The following SMOC1 variants were observed in gnomAD, a reference collection of about 807,000 sequenced individuals.
SMOC1 encodes the protein SPARC-related modular calcium-binding protein 1.
A neutral mutation model predicts 56.3 loss-of-function variants in SMOC1; 22 were observed. The ratio of observed to expected loss-of-function variants is 0.39; its 90% CI spans 0.28 to 0.56. The LOEUF is 0.56. SMOC1 is among the 20% of genes least tolerant of loss of function. The pLI is 0.61. For missense variants in SMOC1, 509 were observed against 565.4 expected (o/e 0.90, Z 1.01); for synonymous variants, 193 against 215.0 (o/e 0.90, Z 0.89).
chr14:69,952,888 T>A (rs903158365), intron 2 of SMOC1, among the ~76,000 whole-genome samples: 2 of 152,198 alleles, frequency 1.3e-5, no homozygotes. Context: ...CTATAGTCTC[T>A]CAGAACTGAA....
chr14:69,979,809 G>A (rs1414186092), intron 5 of SMOC1, among the ~76,000 whole-genome samples: 7 of 152,054 alleles, frequency 4.6e-5, no homozygotes, highest in Non-Finnish European at 7.4e-5. Flanking sequence ...TTATTCCTGG[G>A]CATGAGGTCC....
intron 11 of SMOC1, among the ~76,000 whole-genome samples, chr14:70,024,906 C>A (rs1385629926): frequency 6.6e-5 from 10 of 152,052 alleles, no homozygotes; most frequent in Non-Finnish European, 1.5e-4. Flanking sequence ...CAGGGTCATC[C>A]AATAGGAGGC....
intron 11 of SMOC1, among the ~76,000 whole-genome samples, chr14:70,023,861 G>A (rs1349495505): frequency 1.3e-5 from 2 of 151,640 alleles, no homozygotes; most frequent in Non-Finnish European, 2.9e-5. Context: ...GTGTGTAGGG[G>A]TAGGAGTAGG....
intron 1 of SMOC1, among the ~76,000 whole-genome samples, chr14:69,881,132 C>T (rs1454294611): frequency 6.6e-6 from 1 of 152,166 alleles, no homozygotes; most frequent in Non-Finnish European, 1.5e-5. Flanking sequence ...CAGGCATTCC[C>T]AAAGCTGGGG....
chr14:69,904,624 C>G (rs1262758010), intron 1 of SMOC1, among the ~76,000 whole-genome samples: 1 of 152,232 alleles, frequency 6.6e-6, no homozygotes, highest in African/African-American at 2.4e-5. Context: ...GGTGAAGCAT[C>G]AGCTACTTGA....
chr14:70,002,330 A>T (rs1884998410), intron 7 of SMOC1, among the ~76,000 whole-genome samples: 1 of 152,150 alleles, frequency 6.6e-6, no homozygotes, highest in Non-Finnish European at 1.5e-5. Flanking sequence ...GTGTGACTTT[A>T]ATTCGTGCAA....
At position 69,947,902 on chromosome 14, in the gene SMOC1, G is replaced by A. The variant is rs2035011; in HGVS notation, c.100-4236G>A. The stretch of plus-strand genomic sequence containing the variant: ...CTTTTGAACTGTGTGGCTTCGGAGC[G>A]TTCCAGAGTCTCTAGGATTAAGTCT... On this transcript the variant is annotated intron_variant, in intron 1 of 11. Coordinates refer to ENST00000361956, the MANE Select transcript of SMOC1 (RefSeq NM_001034852.3). 3.6e-4 allele frequency among the ~76,000 whole-genome samples: 55 copies of A among 152,120 alleles called. 1 individual carries two copies. Among genetic ancestry groups the A allele is most frequent in the South Asian group, 6.2e-4 (3 of 4,818 alleles).
intron 1 of SMOC1, among the ~76,000 whole-genome samples, chr14:69,917,949 C>A (rs1198083502): frequency 6.6e-6 from 1 of 152,186 alleles, no homozygotes; most frequent in Non-Finnish European, 1.5e-5. Context: ...CAACCTGCTT[C>A]ACCTCCCTTC....
intron 1 of SMOC1, among the ~76,000 whole-genome samples, chr14:69,938,999 G>T (rs1882442904): frequency 6.6e-6 from 1 of 152,144 alleles, no homozygotes; most frequent in Non-Finnish European, 1.5e-5. Flanking sequence ...AAGCACACAT[G>T]CCTCAGCTCA....
At chr14:69,922,421 A>T (rs1884871490) in intron 1 of SMOC1, among the ~76,000 whole-genome samples, 2 of 152,280 alleles carry the variant, frequency 1.3e-5, no homozygotes, top group South Asian at 4.1e-4. Context: ...GTGTGGCCCA[A>T]GGCTAGCTGA....
chr14:70,024,006 G>A (rs536047873), intron 11 of SMOC1, among the ~76,000 whole-genome samples: 219 of 152,294 alleles, frequency 1.4e-3, no homozygotes, highest in African/African-American at 4.9e-3. Context: ...ACATGAAGCA[G>A]TGCATGTGAG....
At chr14:69,945,281 G>T (rs1882740262) in intron 1 of SMOC1, among the ~76,000 whole-genome samples, 1 of 152,210 alleles carries the variant, frequency 6.6e-6, no homozygotes, top group African/African-American at 2.4e-5. Context: ...TAAACACAGT[G>T]CAGCAGGAGT....
intron 5 of SMOC1, among the ~76,000 whole-genome samples, chr14:69,983,124 G>A (rs1037586702): frequency 4.6e-4 from 70 of 152,242 alleles, no homozygotes; most frequent in Non-Finnish European, 4.6e-4. Flanking sequence ...ATTTTGGCCC[G>A]TATTCCAGGG....
At chr14:70,009,773 A>G (rs530644789) in intron 7 of SMOC1, among the ~76,000 whole-genome samples, 1 of 152,356 alleles carries the variant, frequency 6.6e-6, no homozygotes, top group Non-Finnish European at 1.5e-5. Context: ...AATCTAGGGA[A>G]GGTACAGTGT....
chr14:69,981,688 G>C (rs967759201), intron 5 of SMOC1, among the ~76,000 whole-genome samples: 17 of 152,180 alleles, frequency 1.1e-4, no homozygotes, highest in Admixed American at 7.2e-4. Context: ...AGAGATAGAG[G>C]TAAAGTTTTG....
intron 1 of SMOC1, among the ~76,000 whole-genome samples, chr14:69,926,047 A>ATTT (rs11432471): frequency 6.8e-6 from 1 of 147,170 alleles, no homozygotes; most frequent in African/African-American, 2.5e-5. Context: ...ATCAGAAGCC[A>ATTT]TTTTTTTTTT....
chr14:69,928,841 G>A (rs940937678), intron 1 of SMOC1, among the ~76,000 whole-genome samples: 1 of 152,122 alleles, frequency 6.6e-6, no homozygotes, highest in Non-Finnish European at 1.5e-5. Flanking sequence ...TGCTTCCTCT[G>A]CTTATGTATG....
At chr14:69,954,878 G>A (rs1014757833) in intron 3 of SMOC1, among the ~76,000 whole-genome samples, 1 of 152,158 alleles carries the variant, frequency 6.6e-6, no homozygotes, top group African/African-American at 2.4e-5. Context: ...TCATTTCCAG[G>A]TGGGACACAG....
At chr14:69,924,102 C>T (rs934964630) in intron 1 of SMOC1, among the ~76,000 whole-genome samples, 1 of 152,244 alleles carries the variant, frequency 6.6e-6, no homozygotes, top group Admixed American at 6.5e-5. Flanking sequence ...TCTGGTTGCT[C>T]TTCCCTCACA....
Sources: gnomAD v4.1 joint callset for allele counts (sites outside exome capture counted in the v4.1 genomes callset) on GRCh38, gnomAD v4.1.1 for gene constraint, MANE v1.5 for transcripts, NCBI Gene and HGNC (gene_info 2026-07-23, HGNC 2026-07-21) for gene names.